Variants in CNTLN observed in about 807,000 individuals in gnomAD.
The protein encoded by CNTLN is centlein, centrosomal protein.
Under a neutral mutation model 180.0 loss-of-function variants are expected in CNTLN, and 212 were observed. The ratio of observed to expected loss-of-function variants is 1.18; its 90% CI spans 1.05 to 1.32. CNTLN has a LOEUF of 1.32. Ranked by LOEUF, CNTLN falls within the 40% of genes most tolerant of loss-of-function variation. CNTLN has a pLI of 0.00. For missense variants in CNTLN, 2,095 were observed against 1,610.9 expected, an observed-to-expected ratio of 1.30 and a Z score of -5.14; for synonymous variants, 722 against 563.1, an observed-to-expected ratio of 1.28 and a Z score of -3.99.
At chr9:17,509,639 GA>G in the CNTLN span, among the ~76,000 whole-genome samples, 1,406 of 152,248 alleles carry the variant, frequency 9.2e-3, 12 homozygotes, top group Non-Finnish European at 0.014. Context: ...AAGTTCCCCA[GA>G]AGGCTGTATA....
chr9:17,234,068 C>T (rs1824983535), intron 3 of CNTLN, among the ~76,000 whole-genome samples: 1 of 152,108 alleles, frequency 6.6e-6, no homozygotes, highest in Admixed American at 6.5e-5. Context: ...TATTTACACA[C>T]TGATCACAGA....
chr9:17,385,875 G>C (rs995976430), intron 13 of CNTLN, among the ~76,000 whole-genome samples: 8 of 152,116 alleles, frequency 5.3e-5, no homozygotes, highest in Admixed American at 2.0e-4. Flanking sequence ...GGTATCCCAG[G>C]AAGGTCCCTG....
intron 2 of CNTLN, among the ~76,000 whole-genome samples, chr9:17,200,321 G>A (rs190113082): frequency 2.0e-5 from 3 of 152,086 alleles, no homozygotes; most frequent in East Asian, 1.9e-4. Flanking sequence ...GGCTATAAGC[G>A]TTCTTTTGGT....
chr9:17,433,723 G>A (rs1231232931), intron 18 of CNTLN, among the ~76,000 whole-genome samples: 1 of 152,022 alleles, frequency 6.6e-6, no homozygotes, highest in African/African-American at 2.4e-5. Flanking sequence ...AAACTGCTGG[G>A]TGTGTGTCAC....
At chr9:17,376,061 G>C (rs149334741) in intron 13 of CNTLN, among the ~76,000 whole-genome samples, 2 of 152,046 alleles carry the variant, frequency 1.3e-5, no homozygotes, top group Non-Finnish European at 2.9e-5. Context: ...TCGCATTCAG[G>C]TTACTGGTGA....
At chr9:17,253,806 G>A in intron 5 of CNTLN, among the ~76,000 whole-genome samples, 1 of 148,890 alleles carries the variant, frequency 6.7e-6, no homozygotes, top group Non-Finnish European at 1.5e-5. Flanking sequence ...GGGACTTCCA[G>A]TACTGTGTTG....
intron 2 of CNTLN, among the ~76,000 whole-genome samples, chr9:17,210,742 T>C (rs112567153): frequency 0.047 from 7,087 of 152,216 alleles, 437 homozygotes; most frequent in African/African-American, 0.14. Flanking sequence ...TTAATGATTG[T>C]CATTCTAACT....
At chr9:17,417,669 A>G (rs1828369901) in intron 18 of CNTLN, among the ~76,000 whole-genome samples, 1 of 152,056 alleles carries the variant, frequency 6.6e-6, no homozygotes, top group Non-Finnish European at 1.5e-5. Context: ...TGAGAGTTTG[A>G]AAAGTAGTGG....
intron 6 of CNTLN, among the ~76,000 whole-genome samples, chr9:17,295,666 A>T (rs1244363078): frequency 6.6e-6 from 1 of 151,626 alleles, no homozygotes; most frequent in African/African-American, 2.4e-5. Context: ...CTTATTTTCA[A>T]ATGAGGAAAG....
chr9:17,235,572 G>C, intron 3 of CNTLN, 86 bp from the exon 4 acceptor site: 2 of 1,105,118 alleles, frequency 1.8e-6, no homozygotes. Flanking sequence ...CATCACATTA[G>C]CAAATCAAAA....
chr9:17,143,441 A>G, intron 2 of CNTLN, 65 bp downstream of exon 2: 1 of 1,117,308 alleles, frequency 9.0e-7, no homozygotes. Context: ...TTCATTATTA[A>G]AGTTAGTACT....
intron 2 of CNTLN, among the ~76,000 whole-genome samples, chr9:17,216,629 A>G (rs1263584256): frequency 6.6e-6 from 1 of 152,066 alleles, no homozygotes; most frequent in Non-Finnish European, 1.5e-5. Flanking sequence ...TTTTATTTCA[A>G]TTTTTAGAGT....
At chr9:17,152,081 A>G (rs1419963269) in intron 2 of CNTLN, among the ~76,000 whole-genome samples, 1 of 152,022 alleles carries the variant, frequency 6.6e-6, no homozygotes, top group Admixed American at 6.6e-5. Flanking sequence ...CTAGCAGTCT[A>G]TCTGTTTTGT....
intron 5 of CNTLN, among the ~76,000 whole-genome samples, chr9:17,263,799 A>T (rs1827193473): frequency 6.9e-6 from 1 of 144,516 alleles, no homozygotes; most frequent in Admixed American, 6.9e-5. Context: ...GCCAGTGATG[A>T]TGAGCATTTT....
intron 2 of CNTLN, among the ~76,000 whole-genome samples, chr9:17,156,320 C>G (rs558678387): frequency 6.6e-6 from 1 of 152,226 alleles, no homozygotes; most frequent in Non-Finnish European, 1.5e-5. Flanking sequence ...ACCATCGTAT[C>G]ATCATCATGC....
intron 23 of CNTLN, among the ~76,000 whole-genome samples, chr9:17,473,208 T>C (rs144526260): frequency 0.013 from 1,967 of 152,292 alleles, 13 homozygotes; most frequent in Non-Finnish European, 0.02. Flanking sequence ...ATCCTAATTA[T>C]ATAGTTCCCA....
intron 25 of CNTLN, among the ~76,000 whole-genome samples, chr9:17,488,946 T>A (rs1038350564): frequency 6.6e-6 from 1 of 152,146 alleles, no homozygotes; most frequent in African/African-American, 2.4e-5. Flanking sequence ...TTTTTCAAGC[T>A]AATTTTATTC....
intron 12 of CNTLN, among the ~76,000 whole-genome samples, chr9:17,352,177 T>C (rs1822420251): frequency 6.6e-6 from 1 of 152,046 alleles, no homozygotes; most frequent in African/African-American, 2.4e-5. Flanking sequence ...TCCTTAATGA[T>C]AAAATGTAAG....
At chr9:17,396,826 G>GC (rs1159779375) in intron 15 of CNTLN, among the ~76,000 whole-genome samples, 2 of 152,110 alleles carry the variant, frequency 1.3e-5, no homozygotes, top group African/African-American at 4.8e-5. Flanking sequence ...ATCTACTCAA[G>GC]CCCCTTGTCC....
Sources: allele counts gnomAD v4.1 joint callset (sites outside exome capture counted in the v4.1 genomes callset), GRCh38; gene constraint gnomAD v4.1.1; transcripts MANE v1.5; gene names NCBI Gene and HGNC (gene_info 2026-07-23, HGNC 2026-07-21).